Variants in SPATA16 observed in about 807,000 individuals in gnomAD.
SPATA16 encodes the protein spermatogenesis associated 16.
Under a neutral mutation model 63.3 loss-of-function variants are expected in SPATA16, and 36 were observed. The ratio of observed to expected loss-of-function variants is 0.57; its 90% confidence interval spans 0.44 to 0.75. The LOEUF (loss-of-function observed/expected upper bound fraction) is 0.75. Ranked by LOEUF, SPATA16 falls within the 30% of genes least tolerant of loss-of-function variation. The pLI, the probability that SPATA16 is intolerant of heterozygous loss-of-function variation, is 0.00. For missense variants in SPATA16, 646 were observed against 679.3 expected, an observed-to-expected ratio of 0.95 and a Z score of 0.54; for synonymous variants, 203 against 216.7, an observed-to-expected ratio of 0.94 and a Z score of 0.56.
intron 3 of SPATA16, among the ~76,000 whole-genome samples, chr3:173,028,008 TCC>T (rs1735496398): frequency 2.7e-5 from 1 of 37,556 alleles, no homozygotes; most frequent in Admixed American, 4.4e-4. Context: ...CCTCCCTCCC[TCC>T]CTCCCTTCCT....
chr3:173,030,304 G>A (rs1735575824), intron 3 of SPATA16, among the ~76,000 whole-genome samples: 1 of 151,906 alleles, frequency 6.6e-6, no homozygotes. Context: ...CCACAGAATG[G>A]GAGAAAATAT....
chr3:172,981,162 G>A (rs1040259123), intron 4 of SPATA16, among the ~76,000 whole-genome samples: 10 of 151,826 alleles, frequency 6.6e-5, no homozygotes, highest in African/African-American at 1.5e-4. Context: ...TATCTTTCTC[G>A]TTGCTGTTTT....
intron 4 of SPATA16, among the ~76,000 whole-genome samples, chr3:172,986,787 A>T (rs1309116597): frequency 2.0e-5 from 3 of 152,192 alleles, no homozygotes; most frequent in Non-Finnish European, 4.4e-5. Flanking sequence ...TGTGGTTGAG[A>T]GAGAGAACCT....
chr3:173,035,816 T>C (rs567770457), intron 3 of SPATA16, among the ~76,000 whole-genome samples: 1 of 152,156 alleles, frequency 6.6e-6, no homozygotes, highest in East Asian at 1.9e-4. Context: ...ATTTTCCCTT[T>C]TCACTGTATT....
At chr3:172,902,261 C>T (rs1391074836) in intron 10 of SPATA16, among the ~76,000 whole-genome samples, 7 of 152,086 alleles carry the variant, frequency 4.6e-5, no homozygotes, top group African/African-American at 9.7e-5. Context: ...GGGCTGGCCT[C>T]GAACTCCTGA....
At chr3:173,139,414 T>A (rs143152200) in intron 1 of SPATA16, among the ~76,000 whole-genome samples, 10 of 152,316 alleles carry the variant, frequency 6.6e-5, no homozygotes, top group Non-Finnish European at 1.3e-4. Flanking sequence ...TCTTCGTGAG[T>A]GCAAAATGTT....
chr3:172,923,826 G>A lies in SPATA16; in HGVS notation c.1338+382C>T, dbSNP rs552639657. Among the ~76,000 whole-genome samples, 527 of 152,318 alleles carry A rather than the reference G, an allele frequency of 3.5e-3. 3 individuals carry two copies. Among genetic ancestry groups the A allele is most frequent in the Non-Finnish European group, 5.7e-3 (386 of 68,020 alleles). ...ATCTTGAAAAGGTCTGAATTCTTGT[G>A]TAGGTAATGAGATGGTTATATGCAA... On this transcript the variant is annotated intron_variant, in intron 8 of 10. Transcript: ENST00000351008.
At chr3:173,111,551 G>A (rs1018413974) in intron 2 of SPATA16, among the ~76,000 whole-genome samples, 1 of 152,220 alleles carries the variant, frequency 6.6e-6, no homozygotes, top group African/African-American at 2.4e-5. Context: ...CCAAATTTCT[G>A]ATTATGTGGC....
chr3:172,898,461 A>G (rs10470497), intron 10 of SPATA16, among the ~76,000 whole-genome samples: 23,076 of 151,816 alleles, frequency 0.15, 2,283 homozygotes, highest in African/African-American at 0.28. Context: ...GTTTTTTGAG[A>G]AATTGGTATA....
In SPATA16 at chr3:172,946,426, T is replaced by C. The variant is rs866159847; in HGVS notation, c.1081+10251A>G. ...TTCAGGCCTTGGCTACTAGACAGTA[T>C]TTCTGGATCCGCCCTGGGCCAAAGG... On this transcript the variant is annotated intron_variant, in intron 6 of 10. Transcript: ENST00000351008. Among the ~76,000 whole-genome samples the C allele has an allele frequency of 6.6e-5, 10 of 151,926 alleles. 1 individual carries two copies. In the South Asian group the frequency reaches 1.2e-3, roughly 19 times the overall value.
intron 4 of SPATA16, among the ~76,000 whole-genome samples, chr3:172,986,719 C>T (rs1734467981): frequency 6.6e-6 from 1 of 152,072 alleles, no homozygotes; most frequent in African/African-American, 2.4e-5. Flanking sequence ...TGGATTTCAT[C>T]CTGTGGGTAA....
chr3:172,968,298 G>A (rs550978949), intron 5 of SPATA16, among the ~76,000 whole-genome samples: 25 of 152,190 alleles, frequency 1.6e-4, no homozygotes, highest in Non-Finnish European at 2.8e-4. Flanking sequence ...GGTAGCAGGG[G>A]ACTAAGCCAT....
At chr3:173,127,505 G>A (rs112565871) in intron 1 of SPATA16, among the ~76,000 whole-genome samples, 66 of 152,060 alleles carry the variant, frequency 4.3e-4, no homozygotes, top group African/African-American at 1.6e-3. Context: ...TTTTACTCTG[G>A]AATAGTTCTT....
intron 4 of SPATA16, among the ~76,000 whole-genome samples, chr3:173,000,069 T>G (rs905248577): frequency 6.6e-6 from 1 of 152,152 alleles, no homozygotes; most frequent in Non-Finnish European, 1.5e-5. Flanking sequence ...TAATAAGAGG[T>G]GGGCCTTTTG....
At chr3:173,027,996 TCCC>T (rs1735493402) in intron 3 of SPATA16, among the ~76,000 whole-genome samples, 3 of 15,884 alleles carry the variant, frequency 1.9e-4, no homozygotes, top group Admixed American at 7.9e-4. Flanking sequence ...CCTCCCTCCC[TCCC>T]TCCCTCCCTC....
chr3:173,027,549 C>G (rs1735478055), intron 3 of SPATA16, among the ~76,000 whole-genome samples: 1 of 151,798 alleles, frequency 6.6e-6, no homozygotes, highest in South Asian at 2.1e-4. Context: ...TTGGAAAATT[C>G]TTGCTTTTTT....
At chr3:173,102,972 A>C (rs1028021503) in intron 2 of SPATA16, among the ~76,000 whole-genome samples, 33 of 152,220 alleles carry the variant, frequency 2.2e-4, no homozygotes, top group Non-Finnish European at 2.9e-4. Context: ...AAAAGGGAGA[A>C]ATCAGCCAGA....
At position 173,019,484 on chromosome 3, in the gene SPATA16, A is replaced by G; in HGVS notation, c.848+2T>C. On this transcript the variant is annotated splice_donor_variant, in intron 4 of 10. Coordinates refer to ENST00000351008, the MANE Select transcript of SPATA16 (RefSeq NM_031955.6). LOFTEE classifies it high-confidence loss of function. ...TCCTCACAAAAGTTAAAACAAACATACCGGGCAGCCTCTGAATACCTCTCC... is the reference window on the plus strand; with the variant it reads ...TCCTCACAAAAGTTAAAACAAACATGCCGGGCAGCCTCTGAATACCTCTCC... 1 of 1,613,294 alleles carries G rather than the reference A, an allele frequency of 6.2e-7. No homozygotes were observed. Among genetic ancestry groups the G allele is most frequent in the Non-Finnish European group, 8.5e-7 (1 of 1,179,248 alleles).
intron 10 of SPATA16, among the ~76,000 whole-genome samples, chr3:172,913,284 T>C (rs1312782065): frequency 6.6e-6 from 1 of 152,194 alleles, no homozygotes; most frequent in Non-Finnish European, 1.5e-5. Context: ...CCCTGAAATG[T>C]AGTCATTATT....
Sources: gnomAD v4.1 joint callset for allele counts (sites outside exome capture counted in the v4.1 genomes callset) on GRCh38, gnomAD v4.1.1 for gene constraint, MANE v1.5 for transcripts, NCBI Gene and HGNC (gene_info 2026-07-23, HGNC 2026-07-21) for gene names.